The following ADAMTS6 variants were observed in gnomAD, a reference collection of about 807,000 sequenced individuals.
The protein encoded by ADAMTS6 is A disintegrin and metalloproteinase with thrombospondin motifs 6.
In ADAMTS6, 23 loss-of-function variants were observed where a neutral mutation model predicts 144.3. The observed-to-expected ratio is 0.16, with a 90% CI of 0.11 to 0.23. ADAMTS6 has a LOEUF of 0.23. Ranked by LOEUF, ADAMTS6 falls within the 10% of genes least tolerant of loss-of-function variation. The probability of loss-of-function intolerance (pLI) is 1.00; values close to 1 mark genes in which losing one functional copy is unlikely to be tolerated. For synonymous variants in ADAMTS6, 444 were observed against 457.5 expected (o/e 0.97, Z 0.38); for missense variants, 999 against 1,379.6 (o/e 0.72, Z 4.37).
At chr5:65,274,676 TTTTGTTTG>T (rs746385107) in intron 11 of ADAMTS6, among the ~76,000 whole-genome samples, 1 of 149,326 alleles carries the variant, frequency 6.7e-6, no homozygotes, top group African/African-American at 2.5e-5. Context: ...CTATTAAGGT[TTTTGTTTG>T]TTTGTTTGTT....
intron 2 of ADAMTS6, among the ~76,000 whole-genome samples, chr5:65,471,429 A>G (rs1580788232): frequency 6.6e-6 from 1 of 152,194 alleles, no homozygotes; most frequent in East Asian, 1.9e-4. Context: ...AAGAAATATT[A>G]AAATTTTACT....
At chr5:65,286,792 A>C (rs969779075) in intron 11 of ADAMTS6, among the ~76,000 whole-genome samples, 1 of 152,220 alleles carries the variant, frequency 6.6e-6, no homozygotes, top group Non-Finnish European at 1.5e-5. Flanking sequence ...CAGTCAAAAG[A>C]TTACCCACAG....
intron 7 of ADAMTS6, among the ~76,000 whole-genome samples, chr5:65,393,257 A>T (rs927002211): frequency 6.6e-6 from 1 of 152,202 alleles, no homozygotes; most frequent in Non-Finnish European, 1.5e-5. Context: ...AGTGTGTAGG[A>T]AAAATGTCAT....
intron 7 of ADAMTS6, among the ~76,000 whole-genome samples, chr5:65,374,276 A>G (rs1319952375): frequency 6.6e-6 from 1 of 151,976 alleles, no homozygotes; most frequent in Non-Finnish European, 1.5e-5. Context: ...AGGCAGGAGA[A>G]GGAAATAAAG....
chr5:65,378,803 C>T (rs1159398066), intron 7 of ADAMTS6, among the ~76,000 whole-genome samples: 5 of 152,148 alleles, frequency 3.3e-5, no homozygotes, highest in Non-Finnish European at 7.3e-5. Context: ...AAGCTTCTAA[C>T]TCTGAATATA....
At chr5:65,193,912 C>T (rs1278240861) in intron 21 of ADAMTS6, among the ~76,000 whole-genome samples, 1 of 152,114 alleles carries the variant, frequency 6.6e-6, no homozygotes, top group Non-Finnish European at 1.5e-5. Context: ...ATGTTGAGAA[C>T]TGACTATAAA....
intron 7 of ADAMTS6, among the ~76,000 whole-genome samples, chr5:65,384,010 G>A (rs1487434228): frequency 2.0e-5 from 3 of 152,168 alleles, no homozygotes; most frequent in South Asian, 2.1e-4. Context: ...ATCAGAACTC[G>A]GGGAGTAGAG....
At chr5:65,402,339 G>C (rs1388770422) in intron 7 of ADAMTS6, among the ~76,000 whole-genome samples, 2 of 152,174 alleles carry the variant, frequency 1.3e-5, no homozygotes, top group South Asian at 4.1e-4. Flanking sequence ...CCAGATGAAT[G>C]TGACTGAAGA....
At chr5:65,235,670 A>C (rs1208572275) in intron 15 of ADAMTS6, among the ~76,000 whole-genome samples, 1 of 152,148 alleles carries the variant, frequency 6.6e-6, no homozygotes, top group African/African-American at 2.4e-5. Context: ...ATTTGACTCC[A>C]AATTCTTCAA....
chr5:65,224,881 A>G (rs1317396729), intron 17 of ADAMTS6, 43 bp downstream of exon 17: 1 of 1,559,566 alleles, frequency 6.4e-7, no homozygotes, highest in Non-Finnish European at 8.6e-7. Context: ...GGCTCCTCCA[A>G]GTACACCAGA....
At chr5:65,243,512 A>C (rs894990466) in intron 14 of ADAMTS6, among the ~76,000 whole-genome samples, 2 of 152,262 alleles carry the variant, frequency 1.3e-5, no homozygotes, top group South Asian at 2.1e-4. Flanking sequence ...TGTTTTTAGC[A>C]CATTAAAATA....
At chr5:65,170,127 A>C (rs1283473505) in intron 24 of ADAMTS6, among the ~76,000 whole-genome samples, 3 of 152,176 alleles carry the variant, frequency 2.0e-5, no homozygotes, top group Admixed American at 2.0e-4. Flanking sequence ...CTACATAATT[A>C]TTTTTCTACT....
At chr5:65,184,002 C>T (rs903983132) in intron 22 of ADAMTS6, among the ~76,000 whole-genome samples, 3 of 152,116 alleles carry the variant, frequency 2.0e-5, no homozygotes, top group Non-Finnish European at 4.4e-5. Context: ...AGTGGTCAGT[C>T]TATTCTTTAG....
At chr5:65,221,222 A>G (rs1757303121) in intron 18 of ADAMTS6, among the ~76,000 whole-genome samples, 1 of 152,222 alleles carries the variant, frequency 6.6e-6, no homozygotes, top group South Asian at 2.1e-4. Flanking sequence ...ATCTCTCATG[A>G]ACATAGGTCC....
At chr5:65,299,856 A>G in intron 10 of ADAMTS6, 129 bp downstream of exon 10, 1 of 1,017,534 alleles carries the variant, frequency 9.8e-7, no homozygotes, top group Non-Finnish European at 1.4e-6. Flanking sequence ...AGTATTTAGG[A>G]AAAAGTTGAA....
At chr5:65,375,743 C>T (rs113391921) in intron 7 of ADAMTS6, among the ~76,000 whole-genome samples, 40,686 of 151,952 alleles carry the variant, frequency 0.27, 6,302 homozygotes, top group South Asian at 0.4. Context: ...CCATTTGACC[C>T]AGCCATCCCA....
intron 24 of ADAMTS6, among the ~76,000 whole-genome samples, chr5:65,156,928 C>A (rs1469926210): frequency 6.6e-6 from 1 of 152,140 alleles, no homozygotes; most frequent in African/African-American, 2.4e-5. Flanking sequence ...ATTTTGTAAA[C>A]CTAATTATTC....
At chr5:65,315,946 C>T (rs1744950077) in intron 9 of ADAMTS6, among the ~76,000 whole-genome samples, 1 of 152,136 alleles carries the variant, frequency 6.6e-6, no homozygotes, top group South Asian at 2.1e-4. Context: ...GAGTCTCGCT[C>T]TGTCGCCCAG....
intron 23 of ADAMTS6, among the ~76,000 whole-genome samples, chr5:65,171,905 T>G (rs1411232164): frequency 2.0e-5 from 3 of 151,878 alleles, no homozygotes; most frequent in Non-Finnish European, 4.4e-5. Context: ...CTGCTGAGGC[T>G]GAAGAATGAA....
Sources: allele counts gnomAD v4.1 joint callset (sites outside exome capture counted in the v4.1 genomes callset), GRCh38; gene constraint gnomAD v4.1.1; transcripts MANE v1.5; gene names NCBI Gene and HGNC (gene_info 2026-07-23, HGNC 2026-07-21).